Variants in KCNMB2 observed in about 807,000 individuals in gnomAD.
The protein encoded by KCNMB2 is potassium calcium-activated channel subfamily M regulatory beta subunit 2.
A neutral mutation model predicts 24.5 loss-of-function variants in KCNMB2; 9 were observed. The observed-to-expected ratio is 0.37, with a 90% confidence interval of 0.22 to 0.64. The LOEUF is 0.64. Ranked by LOEUF, KCNMB2 falls within the 30% of genes least tolerant of loss-of-function variation. The probability of loss-of-function intolerance (pLI) is 0.63; values close to 1 mark genes in which losing one functional copy is unlikely to be tolerated. For synonymous variants in KCNMB2, 109 were observed against 104.4 expected, an observed-to-expected ratio of 1.04 and a Z score of -0.27; for missense variants, 226 against 284.3, an observed-to-expected ratio of 0.79 and a Z score of 1.47.
intron 1 of KCNMB2, among the ~76,000 whole-genome samples, chr3:178,745,835 C>T (rs558039229): frequency 2.6e-5 from 4 of 152,360 alleles, no homozygotes; most frequent in Non-Finnish European, 5.9e-5. Context: ...TCTCCTTTGA[C>T]TCCATGTCTC....
At chr3:178,786,416 A>T (rs1713100906) in intron 1 of KCNMB2, among the ~76,000 whole-genome samples, 1 of 152,148 alleles carries the variant, frequency 6.6e-6, no homozygotes, top group Non-Finnish European at 1.5e-5. Flanking sequence ...ATAGGGCTCC[A>T]TGGGGAAATG....
At chr3:178,638,772 A>G (rs1487564797) in intron 1 of KCNMB2, among the ~76,000 whole-genome samples, 2 of 152,172 alleles carry the variant, frequency 1.3e-5, no homozygotes, top group African/African-American at 2.4e-5. Flanking sequence ...GAACATATCA[A>G]TTAGAGGGGT....
chr3:178,652,912 C>T (rs1483436222), intron 1 of KCNMB2, among the ~76,000 whole-genome samples: 1 of 152,118 alleles, frequency 6.6e-6, no homozygotes, highest in Non-Finnish European at 1.5e-5. Flanking sequence ...ATCCACCTGC[C>T]TCGGCCTCCC....
intron 4 of KCNMB2, among the ~76,000 whole-genome samples, chr3:178,833,911 C>T (rs892922259): frequency 6.6e-6 from 1 of 152,134 alleles, no homozygotes; most frequent in African/African-American, 2.4e-5. Context: ...TCAAGGGTCC[C>T]TGCCTCCCTT....
chr3:178,701,088 A>G (rs1722075183), intron 1 of KCNMB2, among the ~76,000 whole-genome samples: 2 of 152,182 alleles, frequency 1.3e-5, no homozygotes, highest in Non-Finnish European at 2.9e-5. Context: ...TTATGGTTTT[A>G]GGTCTAACAT....
intron 1 of KCNMB2, among the ~76,000 whole-genome samples, chr3:178,634,967 G>A (rs1719463193): frequency 6.6e-6 from 1 of 152,112 alleles, no homozygotes; most frequent in Non-Finnish European, 1.5e-5. Context: ...TGAGTTCAGT[G>A]GGGAGGAAAA....
At chr3:178,677,053 G>C (rs1333557738) in intron 1 of KCNMB2, among the ~76,000 whole-genome samples, 1 of 152,094 alleles carries the variant, frequency 6.6e-6, no homozygotes, top group Non-Finnish European at 1.5e-5. Context: ...CCTCACCACA[G>C]CGAAAGAGAG....
chr3:178,661,450 T>C (rs1720527425), intron 1 of KCNMB2, among the ~76,000 whole-genome samples: 1 of 152,202 alleles, frequency 6.6e-6, no homozygotes, highest in Non-Finnish European at 1.5e-5. Flanking sequence ...TAAACATTTT[T>C]TTTAATAAAG....
intron 1 of KCNMB2, among the ~76,000 whole-genome samples, chr3:178,715,799 T>C (rs1722601281): frequency 6.6e-6 from 1 of 152,184 alleles, no homozygotes; most frequent in African/African-American, 2.4e-5. Context: ...AAAGGGCCCT[T>C]GGCTTAGTGA....
chr3:178,657,961 C>T (rs1720401960), intron 1 of KCNMB2, among the ~76,000 whole-genome samples: 1 of 152,214 alleles, frequency 6.6e-6, no homozygotes, highest in Non-Finnish European at 1.5e-5. Context: ...TGAACCACCT[C>T]CCAACACTGC....
At chr3:178,754,150 G>GTATATATATATA (rs755809548) in intron 1 of KCNMB2, among the ~76,000 whole-genome samples, 109 of 106,264 alleles carry the variant, frequency 1.0e-3, no homozygotes, top group African/African-American at 1.8e-3. Context: ...ATATTCCATT[G>GTATATATATATA]TATATATATA....
chr3:178,636,088 G>A (rs149416271), intron 1 of KCNMB2, among the ~76,000 whole-genome samples: 4 of 152,290 alleles, frequency 2.6e-5, no homozygotes, highest in African/African-American at 9.6e-5. Flanking sequence ...TATTGTTTGA[G>A]TACTTTATGT....
At chr3:178,702,197 C>T (rs1577109945) in intron 1 of KCNMB2, among the ~76,000 whole-genome samples, 1 of 148,152 alleles carries the variant, frequency 6.7e-6, no homozygotes, top group Non-Finnish European at 1.5e-5. Context: ...AAACCAAACA[C>T]CGCATGTTCT....
intron 1 of KCNMB2, among the ~76,000 whole-genome samples, chr3:178,737,650 T>C (rs1471324029): frequency 3.3e-5 from 5 of 152,224 alleles, no homozygotes; most frequent in Admixed American, 3.3e-4. Flanking sequence ...ACATGGTCCC[T>C]GTCCTCCAGA....
intron 1 of KCNMB2, among the ~76,000 whole-genome samples, chr3:178,547,023 C>CTGG (rs1715796329): frequency 6.6e-6 from 1 of 152,202 alleles, no homozygotes; most frequent in African/African-American, 2.4e-5. Flanking sequence ...ATCCCCAATG[C>CTGG]AACAGTGTTA....
At chr3:178,735,506 A>G (rs971284075) in intron 1 of KCNMB2, among the ~76,000 whole-genome samples, 1 of 152,240 alleles carries the variant, frequency 6.6e-6, no homozygotes, top group African/African-American at 2.4e-5. Context: ...TTGAGAGCCC[A>G]GTTTTGGAGG....
intron 1 of KCNMB2, among the ~76,000 whole-genome samples, chr3:178,676,060 C>G (rs1447734069): frequency 1.3e-5 from 2 of 152,142 alleles, no homozygotes; most frequent in Non-Finnish European, 2.9e-5. Flanking sequence ...GGTCAGTATT[C>G]AAACTCAAGT....
chr3:178,703,667 A>G (rs1157406692), intron 1 of KCNMB2, among the ~76,000 whole-genome samples: 1 of 152,222 alleles, frequency 6.6e-6, no homozygotes, highest in African/African-American at 2.4e-5. Flanking sequence ...TATAGCATAA[A>G]TGAGTCATAA....
At chr3:178,733,448 G>A (rs1428690479) in intron 1 of KCNMB2, among the ~76,000 whole-genome samples, 4 of 151,956 alleles carry the variant, frequency 2.6e-5, no homozygotes, top group Non-Finnish European at 5.9e-5. Flanking sequence ...GAGAAGAGGA[G>A]GGATATAATC....
Sources: allele counts gnomAD v4.1 joint callset (sites outside exome capture counted in the v4.1 genomes callset), GRCh38; gene constraint gnomAD v4.1.1; transcripts MANE v1.5; gene names NCBI Gene and HGNC (gene_info 2026-07-23, HGNC 2026-07-21).